The following TAMM41 variants were observed in gnomAD, a reference collection of about 807,000 sequenced individuals.
The protein encoded by TAMM41 is TAM41 mitochondrial translocator assembly and maintenance homolog.
In TAMM41, 36 loss-of-function variants were observed where a neutral mutation model predicts 44.1. That is an observed-to-expected ratio of 0.82 (90% CI 0.63 to 1.08). The LOEUF is 1.08. TAMM41 is among the 50% of genes least tolerant of loss of function. The pLI, the probability that TAMM41 is intolerant of heterozygous loss-of-function variation, is 0.00. For missense variants in TAMM41, 417 were observed against 404.3 expected, an observed-to-expected ratio of 1.03 and a Z score of -0.27; for synonymous variants, 164 against 153.1, an observed-to-expected ratio of 1.07 and a Z score of -0.53.
the TAMM41 span, among the ~76,000 whole-genome samples, chr3:11,755,070 G>A: frequency 6.6e-6 from 1 of 151,434 alleles, no homozygotes; most frequent in East Asian, 1.9e-4. Context: ...CTTCCCTAGG[G>A]AGCTGCAGCA....
At chr3:11,844,601 C>T (rs553447046) in intron 1 of TAMM41, among the ~76,000 whole-genome samples, 25 of 152,308 alleles carry the variant, frequency 1.6e-4, no homozygotes, top group South Asian at 2.1e-4. Context: ...GGTCTGGCTC[C>T]AAACTGTGTG....
the TAMM41 span, among the ~76,000 whole-genome samples, chr3:11,725,778 C>T: frequency 4.6e-5 from 7 of 152,038 alleles, no homozygotes; most frequent in Admixed American, 1.3e-4. Flanking sequence ...AAATGATTGC[C>T]GGCTGATCTC....
At chr3:11,806,168 CTTT>C (rs1174551950) in intron 7 of TAMM41, among the ~76,000 whole-genome samples, 1 of 152,184 alleles carries the variant, frequency 6.6e-6, no homozygotes. Context: ...TGAGGTATGT[CTTT>C]ATTAGCAGCA....
the TAMM41 span, among the ~76,000 whole-genome samples, chr3:11,740,158 C>T: frequency 6.6e-6 from 1 of 151,976 alleles, no homozygotes; most frequent in African/African-American, 2.4e-5. Flanking sequence ...TAACTTAGAC[C>T]AGAATAATAT....
chr3:11,790,541 G>A lies in TAMM41; in HGVS notation c.978C>T (p.His326=). The change falls in exon 8 of 8, where the codon CAC becomes CAT. Residue 326 remains histidine (H), a synonymous_variant. Coordinates refer to ENST00000455809, the MANE Select transcript of TAMM41 (RefSeq NM_001284401.2). ...TCCTCAGCCACCCTTTCCACATTTT[G>A]TGCAGTTTTAGTGAACTATAAATCA... The part of the protein sequence containing the change: ...KSVIYSSLKL[H]KMWKGWLRKT... The A allele has an allele frequency of 6.2e-7, 1 of 1,614,082 alleles. No homozygotes were observed. Among genetic ancestry groups the A allele is most frequent in the Non-Finnish European group, 8.5e-7 (1 of 1,179,992 alleles).
the TAMM41 span, among the ~76,000 whole-genome samples, chr3:11,732,675 G>A: frequency 6.6e-6 from 1 of 152,230 alleles, no homozygotes. Flanking sequence ...ATCAAGGAGG[G>A]CCTCTCTGAG....
In TAMM41 at chr3:11,829,884, G is replaced by A. The variant is rs773989439; in HGVS notation, c.412-20C>T. On this transcript the variant is annotated intron_variant, in intron 3 of 7. Coordinates refer to ENST00000455809, the MANE Select transcript of TAMM41 (RefSeq NM_001284401.2). ...TTTCACCTGAAAGAAGCAGAACATT[G>A]GGAAGAAAAATTCCAGAAGTGGAGT... 6.2e-7 allele frequency: 1 copy of A among 1,611,988 alleles called. No individual in the cohort carries two copies. Among genetic ancestry groups the A allele is most frequent in the Non-Finnish European group, 8.5e-7 (1 of 1,179,078 alleles).
the TAMM41 span, among the ~76,000 whole-genome samples, chr3:11,722,335 G>A: frequency 7.9e-5 from 12 of 151,622 alleles, no homozygotes; most frequent in African/African-American, 2.2e-4. Flanking sequence ...GGCTCTTTTA[G>A]TTGTGCAAAG....
At chr3:11,725,328 CT>C in the TAMM41 span, among the ~76,000 whole-genome samples, 3 of 118,804 alleles carry the variant, frequency 2.5e-5, no homozygotes, top group South Asian at 2.6e-4. Flanking sequence ...CCTCCTCCTC[CT>C]TTTTTTCTTC....
At chr3:11,796,677 G>C (rs777016101) in intron 7 of TAMM41, among the ~76,000 whole-genome samples, 5 of 152,138 alleles carry the variant, frequency 3.3e-5, no homozygotes, top group Non-Finnish European at 7.4e-5. Flanking sequence ...GGCAGAACTT[G>C]AGAAATTTTG....
At chr3:11,746,301 CAAAAA>C in the TAMM41 span, among the ~76,000 whole-genome samples, 13 of 115,866 alleles carry the variant, frequency 1.1e-4, no homozygotes, top group South Asian at 5.7e-4. Context: ...GAGACTCTCT[CAAAAA>C]AAAAAAAAAA....
chr3:11,752,951 G>A, the TAMM41 span, among the ~76,000 whole-genome samples: 5 of 151,918 alleles, frequency 3.3e-5, no homozygotes, highest in Non-Finnish European at 5.9e-5. Context: ...CACCACGCCT[G>A]GCCCATATGA....
At chr3:11,782,546 C>CAAAA in the TAMM41 span, among the ~76,000 whole-genome samples, 1 of 70,100 alleles carries the variant, frequency 1.4e-5, no homozygotes, top group Non-Finnish European at 3.0e-5. Flanking sequence ...GACCCTGTCT[C>CAAAA]AAAAAAAAAA....
chr3:11,832,540 G>A (rs2079023619), intron 3 of TAMM41, among the ~76,000 whole-genome samples: 1 of 152,194 alleles, frequency 6.6e-6, no homozygotes, highest in South Asian at 2.1e-4. Context: ...ACCAAGGGAT[G>A]ACAGTATTCC....
chr3:11,784,841 C>T, the TAMM41 span, among the ~76,000 whole-genome samples: 6 of 144,802 alleles, frequency 4.1e-5, no homozygotes, highest in Non-Finnish European at 3.0e-5. Flanking sequence ...CTCGCTCTGT[C>T]CCCCAGGGTG....
At chr3:11,748,130 C>T in the TAMM41 span, among the ~76,000 whole-genome samples, 1 of 150,502 alleles carries the variant, frequency 6.6e-6, no homozygotes, top group African/African-American at 2.5e-5. Context: ...CTGCCTTAGC[C>T]TCCCAAAGTG....
intron 7 of TAMM41, among the ~76,000 whole-genome samples, chr3:11,804,997 T>G (rs866515017): frequency 2.3e-5 from 2 of 88,452 alleles, no homozygotes; most frequent in Admixed American, 1.0e-4. Flanking sequence ...CGCCCAGCCC[T>G]TTTTTTTTTT....
chr3:11,811,974 C>A (rs2078101032), intron 5 of TAMM41, among the ~76,000 whole-genome samples: 1 of 152,168 alleles, frequency 6.6e-6, no homozygotes, highest in Non-Finnish European at 1.5e-5. Context: ...GTTGCCCAGG[C>A]TGGAGTGCAG....
chr3:11,805,303 A>T (rs891123082), intron 7 of TAMM41, among the ~76,000 whole-genome samples: 27 of 151,686 alleles, frequency 1.8e-4, no homozygotes, highest in Non-Finnish European at 2.9e-5. Flanking sequence ...CATCCAGCCT[A>T]TTTTTTCTAT....
Sources: gnomAD v4.1 joint callset for allele counts (sites outside exome capture counted in the v4.1 genomes callset) on GRCh38, gnomAD v4.1.1 for gene constraint, MANE v1.5 for transcripts, NCBI Gene and HGNC (gene_info 2026-07-23, HGNC 2026-07-21) for gene names.